The following FBXL17 variants were observed in gnomAD, a reference collection of about 807,000 sequenced individuals.
FBXL17 encodes F-box/LRR-repeat protein 17.
A neutral mutation model predicts 66.2 loss-of-function variants in FBXL17; 22 were observed. The observed-to-expected ratio is 0.33, with a 90% CI of 0.24 to 0.47. FBXL17 has a LOEUF of 0.47. Ranked by LOEUF, FBXL17 falls within the 20% of genes least tolerant of loss-of-function variation. The pLI, the probability that FBXL17 is intolerant of heterozygous loss-of-function variation, is 1.00. For synonymous variants in FBXL17, 474 were observed against 400.5 expected, an observed-to-expected ratio of 1.18 and a Z score of -2.19; for missense variants, 878 against 948.2, an observed-to-expected ratio of 0.93 and a Z score of 0.97.
At chr5:108,182,711 A>C (rs556608284) in intron 6 of FBXL17, among the ~76,000 whole-genome samples, 4 of 152,334 alleles carry the variant, frequency 2.6e-5, no homozygotes, top group African/African-American at 9.6e-5. Flanking sequence ...AAATGACTGA[A>C]ATAGCACAAG....
chr5:107,985,704 A>G (rs910743195), intron 7 of FBXL17, among the ~76,000 whole-genome samples: 1 of 152,172 alleles, frequency 6.6e-6, no homozygotes, highest in Non-Finnish European at 1.5e-5. Flanking sequence ...TATGGCAACT[A>G]CTCCCAAAGG....
intron 4 of FBXL17, among the ~76,000 whole-genome samples, chr5:108,307,342 T>C (rs1350367325): frequency 6.6e-6 from 1 of 152,130 alleles, no homozygotes; most frequent in Non-Finnish European, 1.5e-5. Context: ...TCTCACTCCG[T>C]CACCCAGGCT....
At chr5:108,204,960 G>C (rs975677041) in intron 5 of FBXL17, among the ~76,000 whole-genome samples, 4 of 151,822 alleles carry the variant, frequency 2.6e-5, no homozygotes, top group Admixed American at 2.6e-4. Flanking sequence ...GCCCAAGCTG[G>C]AGCACAGTGG....
chr5:108,172,577 C>T (rs148549511), intron 6 of FBXL17, among the ~76,000 whole-genome samples: 4 of 152,268 alleles, frequency 2.6e-5, no homozygotes, highest in African/African-American at 9.6e-5. Context: ...AAAGTAGGTA[C>T]TAGCTTGCAT....
chr5:107,893,137 T>C (rs1450379278), intron 7 of FBXL17, among the ~76,000 whole-genome samples: 3 of 151,708 alleles, frequency 2.0e-5, no homozygotes, highest in Non-Finnish European at 4.4e-5. Flanking sequence ...ATCAAAGGAA[T>C]GGGAGGTAGA....
intron 7 of FBXL17, among the ~76,000 whole-genome samples, chr5:108,002,464 T>A (rs1385543069): frequency 6.6e-6 from 1 of 152,112 alleles, no homozygotes; most frequent in African/African-American, 2.4e-5. Context: ...TTAAAATACA[T>A]AACCGACTTA....
At chr5:108,310,001 T>C (rs1191079758) in intron 4 of FBXL17, among the ~76,000 whole-genome samples, 1 of 152,158 alleles carries the variant, frequency 6.6e-6, no homozygotes, top group Non-Finnish European at 1.5e-5. Context: ...TCCTCTGAAA[T>C]TGAATATTTA....
intron 3 of FBXL17, among the ~76,000 whole-genome samples, chr5:108,362,645 T>C (rs1748416290): frequency 6.6e-6 from 1 of 152,156 alleles, no homozygotes; most frequent in Non-Finnish European, 1.5e-5. Context: ...CTGATTTTTT[T>C]AGGTGCTTCA....
intron 6 of FBXL17, among the ~76,000 whole-genome samples, chr5:108,036,131 G>A (rs1028624525): frequency 6.6e-6 from 1 of 152,120 alleles, no homozygotes; most frequent in Admixed American, 6.5e-5. Context: ...GGATTGAGAT[G>A]ACTGTGCCAG....
chr5:108,106,390 G>A (rs567337339), intron 6 of FBXL17, among the ~76,000 whole-genome samples: 11 of 152,250 alleles, frequency 7.2e-5, no homozygotes, highest in African/African-American at 1.7e-4. Flanking sequence ...GTTGCCATAC[G>A]TCCCAGCCAT....
At chr5:108,146,115 C>G (rs1751547398) in intron 6 of FBXL17, among the ~76,000 whole-genome samples, 1 of 151,928 alleles carries the variant, frequency 6.6e-6, no homozygotes, top group Non-Finnish European at 1.5e-5. Flanking sequence ...ACCTGCAGTC[C>G]CAGCTACTCG....
chr5:108,064,776 G>C (rs1226765161), intron 6 of FBXL17, among the ~76,000 whole-genome samples: 1 of 152,134 alleles, frequency 6.6e-6, no homozygotes, highest in Non-Finnish European at 1.5e-5. Context: ...GAACTAAAGG[G>C]CTTGGTGATT....
rs533953369 is a variant in FBXL17 at position 108,065,131 on chromosome 5, A to G, written c.1746-44130T>C. On this transcript the variant is annotated intron_variant, in intron 6 of 8. Coordinates refer to ENST00000542267, the MANE Select transcript of FBXL17 (RefSeq NM_001163315.3). Reference sequence around the variant, plus strand: ...TCAGAGGCAACGAGTGAATTTGCAAATATATGCCATGTGTGTGTATGTATG... The same window carrying G: ...TCAGAGGCAACGAGTGAATTTGCAAGTATATGCCATGTGTGTGTATGTATG... Among the ~76,000 whole-genome samples, 219 of 152,192 alleles carry G rather than the reference A, an allele frequency of 1.4e-3. 1 individual carries two copies. The highest frequency in any genetic ancestry group is 0.01 in the Middle Eastern group (3 of 294).
At chr5:107,983,485 G>T (rs1476578414) in intron 7 of FBXL17, among the ~76,000 whole-genome samples, 1 of 151,778 alleles carries the variant, frequency 6.6e-6, no homozygotes, top group Admixed American at 6.6e-5. Flanking sequence ...TGAGCCACTG[G>T]GCCCACCCAG....
At chr5:108,292,252 G>C (rs1758143634) in intron 4 of FBXL17, among the ~76,000 whole-genome samples, 1 of 151,782 alleles carries the variant, frequency 6.6e-6, no homozygotes, top group Non-Finnish European at 1.5e-5. Context: ...CTCCCAAGTA[G>C]CTGGGATTAC....
chr5:107,935,694 A>G (rs1364412997), intron 7 of FBXL17, among the ~76,000 whole-genome samples: 6 of 152,106 alleles, frequency 3.9e-5, no homozygotes, highest in Non-Finnish European at 5.9e-5. Context: ...GTTGGTATAA[A>G]GGGCCATTTT....
At chr5:108,176,907 TATC>T (rs1752812796) in intron 6 of FBXL17, among the ~76,000 whole-genome samples, 1 of 152,116 alleles carries the variant, frequency 6.6e-6, no homozygotes, top group African/African-American at 2.4e-5. Context: ...TGTAGCAAAA[TATC>T]ATCAATTATT....
intron 4 of FBXL17, among the ~76,000 whole-genome samples, chr5:108,283,135 A>T (rs968151713): frequency 6.6e-6 from 1 of 151,686 alleles, no homozygotes; most frequent in Non-Finnish European, 1.5e-5. Flanking sequence ...CATTTTTTAC[A>T]CAAGTACAAA....
intron 6 of FBXL17, among the ~76,000 whole-genome samples, chr5:108,080,164 C>T (rs958624442): frequency 1.3e-5 from 2 of 152,152 alleles, no homozygotes; most frequent in Admixed American, 1.3e-4. Flanking sequence ...TAGCAAAGAA[C>T]TACAACCAGA....
Sources: allele counts gnomAD v4.1 joint callset (sites outside exome capture counted in the v4.1 genomes callset), GRCh38; gene constraint gnomAD v4.1.1; transcripts MANE v1.5; gene names NCBI Gene and HGNC (gene_info 2026-07-23, HGNC 2026-07-21).